The following FAM135B variants were observed in gnomAD, a reference collection of about 807,000 sequenced individuals.
FAM135B encodes the protein protein FAM135B.
Under a neutral mutation model 127.7 loss-of-function variants are expected in FAM135B, and 43 were observed. The observed-to-expected ratio is 0.34, with a 90% confidence interval of 0.26 to 0.43. The LOEUF (loss-of-function observed/expected upper bound fraction) is 0.43, where lower values mean the gene tolerates loss of function less well. Ranked by LOEUF, FAM135B falls within the 20% of genes least tolerant of loss-of-function variation. FAM135B has a pLI of 1.00. For missense variants in FAM135B, 1,558 were observed against 1,725.6 expected (o/e 0.90, Z 1.72); for synonymous variants, 670 against 665.1 (o/e 1.01, Z -0.11).
chr8:138,202,511 A>G (rs1817221389), intron 7 of FAM135B, among the ~76,000 whole-genome samples: 1 of 152,144 alleles, frequency 6.6e-6, no homozygotes, highest in Admixed American at 6.6e-5. Flanking sequence ...TCAGCCTCTC[A>G]AAAGTAGTGG....
chr8:138,312,783 G>C (rs940172426), intron 2 of FAM135B, among the ~76,000 whole-genome samples: 4 of 152,122 alleles, frequency 2.6e-5, no homozygotes, highest in Non-Finnish European at 5.9e-5. Flanking sequence ...AGGGAGCCAG[G>C]CTTCCATCCC....
chr8:138,467,898 T>C (rs1837461103), intron 1 of FAM135B, among the ~76,000 whole-genome samples: 3 of 152,222 alleles, frequency 2.0e-5, no homozygotes, highest in South Asian at 4.1e-4. Flanking sequence ...TATAATGTCA[T>C]TGGAGTTCCA....
At position 138,485,490 on chromosome 8, in the gene FAM135B, T is replaced by C. The variant is rs928829803; in HGVS notation, c.-20+11181A>G. On this transcript the variant is annotated intron_variant, in intron 1 of 19. Coordinates refer to ENST00000395297, the MANE Select transcript of FAM135B (RefSeq NM_015912.4). ...TCAGAATAAACATTGATTAATCTCCTACTATGTGCCAAGTATTACAATAGA... is the reference window on the plus strand; with the variant it reads ...TCAGAATAAACATTGATTAATCTCCCACTATGTGCCAAGTATTACAATAGA... 5.3e-5 allele frequency among the ~76,000 whole-genome samples: 8 copies of C among 152,352 alleles called. No individual in the cohort carries two copies. The East Asian group carries it at 1.5e-3, about 29-fold the overall frequency.
chr8:138,167,190 T>C (rs1820013288), intron 12 of FAM135B, among the ~76,000 whole-genome samples: 1 of 151,970 alleles, frequency 6.6e-6, no homozygotes, highest in Non-Finnish European at 1.5e-5. Flanking sequence ...CCTTTATTTG[T>C]TATTATTATT....
intron 2 of FAM135B, among the ~76,000 whole-genome samples, chr8:138,331,619 C>G (rs897786570): frequency 6.6e-6 from 1 of 151,920 alleles, no homozygotes; most frequent in Non-Finnish European, 1.5e-5. Flanking sequence ...AAGCACAACA[C>G]AGTCAACTCT....
chr8:138,420,106 A>G (rs1834404118), intron 1 of FAM135B, among the ~76,000 whole-genome samples: 1 of 152,164 alleles, frequency 6.6e-6, no homozygotes, highest in Non-Finnish European at 1.5e-5. Flanking sequence ...TGGACTAATA[A>G]AGAAAAAAGG....
At chr8:138,334,971 G>A (rs1228055678) in intron 2 of FAM135B, among the ~76,000 whole-genome samples, 1 of 152,140 alleles carries the variant, frequency 6.6e-6, no homozygotes, top group Non-Finnish European at 1.5e-5. Flanking sequence ...TGACATCAAT[G>A]CATTTATAAT....
chr8:138,374,171 C>T (rs549300142), intron 1 of FAM135B, among the ~76,000 whole-genome samples: 12 of 152,274 alleles, frequency 7.9e-5, no homozygotes, highest in African/African-American at 2.6e-4. Context: ...TAAAATTTCT[C>T]TCTTTTGTAC....
At chr8:138,275,514 A>C (rs1296953006) in intron 3 of FAM135B, among the ~76,000 whole-genome samples, 1 of 151,990 alleles carries the variant, frequency 6.6e-6, no homozygotes, top group African/African-American at 2.4e-5. Flanking sequence ...GTGAGACCCT[A>C]TCGCTATAAT....
At chr8:138,485,948 G>A (rs1814968859) in intron 1 of FAM135B, among the ~76,000 whole-genome samples, 1 of 152,110 alleles carries the variant, frequency 6.6e-6, no homozygotes, top group African/African-American at 2.4e-5. Context: ...CTGAGTAGAA[G>A]GTGGGATCCA....
At chr8:138,148,845 A>G in intron 13 of FAM135B, 159 bp from the exon 14 acceptor site, 2 of 532,796 alleles carry the variant, frequency 3.8e-6, no homozygotes, top group Non-Finnish European at 6.5e-6. Flanking sequence ...TAGTGAGTGA[A>G]GCTTTGTTCT....
intron 1 of FAM135B, among the ~76,000 whole-genome samples, chr8:138,481,864 G>A (rs1461415610): frequency 1.3e-5 from 2 of 152,154 alleles, no homozygotes; most frequent in Non-Finnish European, 2.9e-5. Context: ...ATGAGTTTGT[G>A]CATCTAACAG....
At chr8:138,232,559 C>T (rs969091161) in intron 7 of FAM135B, among the ~76,000 whole-genome samples, 1 of 152,132 alleles carries the variant, frequency 6.6e-6, no homozygotes, top group Non-Finnish European at 1.5e-5. Flanking sequence ...TATGGTATGG[C>T]AACTTGTATT....
At chr8:138,361,510 C>T (rs988217340) in intron 2 of FAM135B, among the ~76,000 whole-genome samples, 2 of 152,182 alleles carry the variant, frequency 1.3e-5, no homozygotes, top group Admixed American at 1.3e-4. Flanking sequence ...CAGATCTTTA[C>T]TCTGAAGAAG....
chr8:138,408,972 C>T (rs895787722), intron 1 of FAM135B, among the ~76,000 whole-genome samples: 7 of 152,148 alleles, frequency 4.6e-5, no homozygotes, highest in Non-Finnish European at 8.8e-5. Context: ...ATTTTGCTTG[C>T]TTTTCATCTG....
At position 138,176,014 on chromosome 8, in the gene FAM135B, T is replaced by A. The variant is rs910742193; in HGVS notation, c.1103+1333A>T. 2.0e-5 allele frequency among the ~76,000 whole-genome samples: 3 copies of A among 152,160 alleles called. No homozygotes were observed. The East Asian group carries it at 5.8e-4, about 29-fold the overall frequency. Reference sequence around the variant, plus strand: ...CTCACAATTGCTGTCTTACCCACTGTGTGGATAAGGAAGCTGAGACTGGAT... The same window carrying A: ...CTCACAATTGCTGTCTTACCCACTGAGTGGATAAGGAAGCTGAGACTGGAT... On this transcript the variant is annotated intron_variant, in intron 11 of 19. Transcript: ENST00000395297.
intron 1 of FAM135B, among the ~76,000 whole-genome samples, chr8:138,446,243 A>G (rs1836151982): frequency 6.6e-6 from 1 of 152,212 alleles, no homozygotes; most frequent in Non-Finnish European, 1.5e-5. Context: ...GGTAATTTAT[A>G]GATTCAGTGC....
chr8:138,221,823 G>T (rs1204180067), intron 7 of FAM135B, among the ~76,000 whole-genome samples: 1 of 152,188 alleles, frequency 6.6e-6, no homozygotes, highest in African/African-American at 2.4e-5. Context: ...CAAAGCTAAA[G>T]AATGCATATG....
chr8:138,444,024 A>G (rs1005104754), intron 1 of FAM135B, among the ~76,000 whole-genome samples: 25 of 152,098 alleles, frequency 1.6e-4, no homozygotes, highest in African/African-American at 5.8e-4. Flanking sequence ...AAAACAGATT[A>G]TAAACGAACA....
Sources: allele counts gnomAD v4.1 joint callset (sites outside exome capture counted in the v4.1 genomes callset), GRCh38; gene constraint gnomAD v4.1.1; transcripts MANE v1.5; gene names NCBI Gene and HGNC (gene_info 2026-07-23, HGNC 2026-07-21).